The following CUX2 variants were observed in gnomAD, a reference collection of about 807,000 sequenced individuals.
CUX2 encodes the protein cut like homeobox 2.
In CUX2, 40 loss-of-function variants were observed where a neutral mutation model predicts 144.8. The observed-to-expected ratio is 0.28, with a 90% CI of 0.21 to 0.36. CUX2 has a LOEUF of 0.36. Ranked by LOEUF, CUX2 falls within the 10% of genes least tolerant of loss-of-function variation. The pLI, the probability that CUX2 is intolerant of heterozygous loss-of-function variation, is 1.00. For missense variants in CUX2, 1,615 were observed against 1,994.0 expected, an observed-to-expected ratio of 0.81 and a Z score of 3.62; for synonymous variants, 827 against 875.6, an observed-to-expected ratio of 0.94 and a Z score of 0.98.
intron 8 of CUX2, among the ~76,000 whole-genome samples, chr12:111,297,719 T>C (rs1269149513): frequency 6.6e-6 from 1 of 152,190 alleles, no homozygotes; most frequent in African/African-American, 2.4e-5. Context: ...GGAGGAAACA[T>C]GAGAACATGA....
rs1331732306 is a variant in CUX2, at chr12:111,304,880, A to G, written c.858+566A>G. The stretch of plus-strand genomic sequence containing the variant: ...ATATCAACAGGCAGTCATCACCAGG[A>G]CTGCAGTGGGGCCACATACCAAGAT... On this transcript the variant is annotated intron_variant, in intron 10 of 21. Coordinates refer to ENST00000261726, the MANE Select transcript of CUX2 (RefSeq NM_015267.4). The surrounding 1 kb of genome is among the most constrained non-coding windows in gnomAD (Gnocchi z 4.7). 6.6e-6 allele frequency among the ~76,000 whole-genome samples: 1 copy of G among 152,180 alleles called. No individual in the cohort carries two copies. Among genetic ancestry groups the G allele is most frequent in the Non-Finnish European group, 1.5e-5 (1 of 68,034 alleles).
At chr12:111,086,967 C>T (rs376028092) in intron 1 of CUX2, among the ~76,000 whole-genome samples, 1 of 152,134 alleles carries the variant, frequency 6.6e-6, no homozygotes, top group Non-Finnish European at 1.5e-5. Flanking sequence ...AGAAATGTTA[C>T]CCATTGCTAT....
intron 1 of CUX2, among the ~76,000 whole-genome samples, chr12:111,194,750 G>C (rs926773155): frequency 1.3e-5 from 2 of 152,352 alleles, no homozygotes; most frequent in Admixed American, 1.3e-4. Context: ...TCACACAGCA[G>C]GTGCTTAAAG....
chr12:111,090,581 C>T (rs568384248), intron 1 of CUX2, among the ~76,000 whole-genome samples: 2 of 152,210 alleles, frequency 1.3e-5, no homozygotes, highest in East Asian at 3.9e-4. Flanking sequence ...CCCTTTACTA[C>T]ACTATTCTTT....
chr12:111,199,620 C>T (rs528385025), intron 1 of CUX2, among the ~76,000 whole-genome samples: 4 of 152,182 alleles, frequency 2.6e-5, no homozygotes, highest in African/African-American at 9.6e-5. Context: ...TAGGGCAGGC[C>T]GGTCTGTCAT....
rs1257714347 is a variant in CUX2 at position 111,322,823 on chromosome 12, G to T, written c.2926+243G>T. Among the ~76,000 whole-genome samples the T allele has an allele frequency of 6.6e-6, 1 of 152,216 alleles. No homozygotes were observed. Among genetic ancestry groups the T allele is most frequent in the African/African-American group, 2.4e-5 (1 of 41,450 alleles). ...TAGAAGCTGCACGCCTGATGCACTG[G>T]GTCCTGGCTTTAAGCCTCCAAGTGG... On this transcript the variant is annotated intron_variant, in intron 18 of 21. Coordinates refer to ENST00000261726, the MANE Select transcript of CUX2 (RefSeq NM_015267.4). The surrounding 1 kb of genome is among the most constrained non-coding windows in gnomAD (Gnocchi z 4.2).
At chr12:111,048,314 A>T (rs1870096286) in intron 1 of CUX2, among the ~76,000 whole-genome samples, 1 of 152,236 alleles carries the variant, frequency 6.6e-6, no homozygotes, top group Admixed American at 6.5e-5. Context: ...GGATGTTGTC[A>T]TCTCTGCCCA....
At position 111,177,342 on chromosome 12, in the gene CUX2, C is replaced by T. The variant is rs11835343; in HGVS notation, c.64-36858C>T. Among the ~76,000 whole-genome samples the T allele has an allele frequency of 5.1e-4, 78 of 152,216 alleles. 1 individual carries two copies. The highest frequency in any genetic ancestry group is 1.7e-3 in the African/African-American group (70 of 41,528). ...CATCTCTGCAAAAGACAGGTACCAC[C>T]GGGACCAAGGGGTGGCTGGGGCTTC... On this transcript the variant is annotated intron_variant, in intron 1 of 21. Transcript: ENST00000261726.
rs577960323 is a variant in CUX2 at position 111,234,288 on chromosome 12, G to A, written c.222+16351G>A. 3.3e-5 allele frequency among the ~76,000 whole-genome samples: 5 copies of A among 152,258 alleles called. No individual in the cohort carries two copies. The South Asian group carries it at 1.0e-3, about 32-fold the overall frequency. On this transcript the variant is annotated intron_variant, in intron 3 of 21. Transcript: ENST00000261726. Reference sequence around the variant, plus strand: ...GGTGAATGGGAATGAAACCCAAGAGGCCTGCCAAATTCAGGGAGCAGCAAA... The same window carrying A: ...GGTGAATGGGAATGAAACCCAAGAGACCTGCCAAATTCAGGGAGCAGCAAA...
rs767898345 is a variant in CUX2 at position 111,320,394 on chromosome 12, G to A, written c.2385G>A (p.Leu795=). Residue 795 remains leucine (L), a synonymous_variant, in exon 17 of 22, where the codon CTG becomes CTA. Coordinates refer to ENST00000261726, the MANE Select transcript of CUX2 (RefSeq NM_015267.4). The surrounding 1 kb of genome is among the most constrained non-coding windows in gnomAD (Gnocchi z 8.1). ...FDHHWASDRG[L]LSRPYASVSP... ...ACCACTGGGCCTCCGACCGCGGCCT[G>A]CTCAGCCGCCCCTACGCCTCCGTGT... 1.9e-6 allele frequency: 3 copies of A among 1,597,882 alleles called. No individual in the cohort carries two copies. The highest frequency in any genetic ancestry group is 1.7e-6 in the Non-Finnish European group (2 of 1,179,104).
intron 1 of CUX2, among the ~76,000 whole-genome samples, chr12:111,047,188 G>C (rs75183014): frequency 6.6e-6 from 1 of 152,184 alleles, no homozygotes; most frequent in African/African-American, 2.4e-5. Flanking sequence ...TGCATTCCGC[G>C]AGATGGAATT....
At chr12:111,330,868 G>A (rs1888096136) in intron 18 of CUX2, among the ~76,000 whole-genome samples, 2 of 149,468 alleles carry the variant, frequency 1.3e-5, no homozygotes, top group Admixed American at 6.7e-5. Flanking sequence ...AAGAGATCTG[G>A]CCCAAGCAAG....
At chr12:111,272,269 C>T (rs190158594) in intron 4 of CUX2, among the ~76,000 whole-genome samples, 135 of 152,244 alleles carry the variant, frequency 8.9e-4, no homozygotes, top group African/African-American at 3.1e-3. Context: ...AGATTTTCTA[C>T]GATTAGAAAG....
At chr12:111,232,655 C>T (rs183162358) in intron 3 of CUX2, among the ~76,000 whole-genome samples, 5 of 152,256 alleles carry the variant, frequency 3.3e-5, no homozygotes, top group East Asian at 3.9e-4. Flanking sequence ...TACTGAGGTA[C>T]GGCTGTTGAT....
In CUX2 at chr12:111,310,577, C is replaced by T. The variant is rs200707164; in HGVS notation, c.1795C>T (p.Arg599Cys). 3.1e-6 allele frequency: 5 copies of T among 1,613,868 alleles called. No homozygotes were observed. In the East Asian group the frequency reaches 8.9e-5, roughly 29 times the overall value. ...SEILARPKPWRKLTVKGKEPF... is the reference protein window; with the variant it reads ...SEILARPKPWCKLTVKGKEPF... ...GATCCTAGCCCGGCCCAAGCCCTGG[C>T]GCAAGCTCACGGTGAAGGGCAAGGA... Residue 599 changes from arginine (R) to cysteine (C), a missense_variant, in exon 15 of 22, where the codon CGC becomes TGC. Around this residue, in one of 12 missense-constraint regions of CUX2, gnomAD observed 71 missense variants for 142.3 expected, o/e 0.50. Transcript: ENST00000261726. This position sits in a 1 kb window ranked among gnomAD's most constrained non-coding sequence, Gnocchi z 7.9.
At chr12:111,315,177 G>A (rs929575229) in intron 16 of CUX2, among the ~76,000 whole-genome samples, 1 of 152,206 alleles carries the variant, frequency 6.6e-6, no homozygotes, top group South Asian at 2.1e-4. Context: ...GTGGGCACAT[G>A]AGCCGCTGCC....
At chr12:111,100,713 C>T (rs1209471949) in intron 1 of CUX2, among the ~76,000 whole-genome samples, 1 of 152,224 alleles carries the variant, frequency 6.6e-6, no homozygotes, top group Non-Finnish European at 1.5e-5. Flanking sequence ...GTGTGTGCTA[C>T]ATATGAGAGC....
intron 1 of CUX2, among the ~76,000 whole-genome samples, chr12:111,137,198 G>A (rs921198783): frequency 2.0e-5 from 3 of 151,582 alleles, no homozygotes; most frequent in South Asian, 2.1e-4. Flanking sequence ...GCCTCCCAAA[G>A]TGCTGGGATT....
chr12:111,329,907 G>A (rs962806649), intron 18 of CUX2, among the ~76,000 whole-genome samples: 1 of 152,322 alleles, frequency 6.6e-6, no homozygotes, highest in South Asian at 2.1e-4. Context: ...AAAGTGCAGG[G>A]ATTACAGGCG....
Sources: gnomAD v4.1 joint callset for allele counts (sites outside exome capture counted in the v4.1 genomes callset) on GRCh38, gnomAD v4.1.1 for gene constraint, gnomAD v4.1.1 regional missense constraint, Gnocchi (gnomAD v3.1) non-coding constraint, MANE v1.5 for transcripts, NCBI Gene and HGNC (gene_info 2026-07-23, HGNC 2026-07-21) for gene names.